TMEM87B: variants seen among roughly 807,000 people sequenced by gnomAD.
TMEM87B encodes the protein transmembrane protein 87B.
Under a neutral mutation model 80.3 loss-of-function variants are expected in TMEM87B, and 83 were observed. That is an observed-to-expected ratio of 1.03 (90% CI 0.87 to 1.24). The LOEUF (loss-of-function observed/expected upper bound fraction) is 1.24. Ranked by LOEUF, TMEM87B falls within the 50% of genes most tolerant of loss-of-function variation. The probability of loss-of-function intolerance (pLI) is 0.00; values close to 1 mark genes in which losing one functional copy is unlikely to be tolerated. For missense variants in TMEM87B, 625 were observed against 674.4 expected (o/e 0.93, Z 0.81); for synonymous variants, 219 against 230.5 (o/e 0.95, Z 0.45).
intron 4 of TMEM87B, among the ~76,000 whole-genome samples, chr2:112,069,140 C>T (rs1331813245): frequency 2.9e-5 from 4 of 139,894 alleles, no homozygotes; most frequent in African/African-American, 1.1e-4. Flanking sequence ...TGCAGTGAGC[C>T]GAGATTGCGC....
intron 1 of TMEM87B, 112 bp downstream of exon 1, chr2:112,055,868 G>A: frequency 7.7e-7 from 1 of 1,307,142 alleles, no homozygotes; most frequent in Non-Finnish European, 1.0e-6. Flanking sequence ...TCAGCACCGG[G>A]TCCCCTGATA....
chr2:112,061,138 G>A (rs1331386638), intron 2 of TMEM87B, among the ~76,000 whole-genome samples: 62 of 152,300 alleles, frequency 4.1e-4, no homozygotes, highest in Non-Finnish European at 1.5e-5. Context: ...ATATTCATTA[G>A]GTAGGGCCTG....
chr2:112,100,470 C>A, intron 14 of TMEM87B, 152 bp from the exon 15 acceptor site: 1 of 517,114 alleles, frequency 1.9e-6, no homozygotes, highest in Non-Finnish European at 3.4e-6. Context: ...ATAATTTTAG[C>A]TAATTTGAAA....
chr2:112,095,608 C>A, intron 11 of TMEM87B: 1 of 439,644 alleles, frequency 2.3e-6, no homozygotes, highest in Non-Finnish European at 3.0e-6. Context: ...TTTTAAAGTT[C>A]TCATAGTAAC....
Position 112,055,755 on chromosome 2 carries a change from A to C in TMEM87B, c.164A>C (p.Asp55Ala). 5.4e-6 allele frequency: 8 copies of C among 1,478,408 alleles called. No homozygotes were observed. Among genetic ancestry groups the C allele is most frequent in the African/African-American group, 1.5e-5 (1 of 67,836 alleles). 91.6% of individuals were successfully genotyped at this position (1,478,408 alleles called of 1,614,324 possible). A position where few individuals can be genotyped will look rare whatever the true frequency, so the allele number is the denominator to read the frequency against. Residue 55 changes from aspartate (D) to alanine (A), a missense_variant and splice_region_variant, in exon 1 of 19, where the codon GAC becomes GCC. Asp to Ala is a moderately radical substitution (Grantham distance 126). Transcript: ENST00000283206. ...ELGLWLETVN[D>A]KSGPLIFRKT... ...GGGCTCTGGTTAGAGACAGTCAACGACGTAAGTGGAGTGTCGGGACCCAGG... is the reference window on the plus strand; with the variant it reads ...GGGCTCTGGTTAGAGACAGTCAACGCCGTAAGTGGAGTGTCGGGACCCAGG...
Position 112,064,245 on chromosome 2 carries a change from A to C in TMEM87B, c.310A>C (p.Asn104His). ...TCATACCTGTCACAATGAGCATTCT[A>C]ATCTGGAAGTAAGTAAAACACAAGT... ...KYHTCHNEHSNLEELFQKHKL... is the reference protein window; with the variant it reads ...KYHTCHNEHSHLEELFQKHKL... The change falls in exon 3 of 19, where the codon AAT becomes CAT. Residue 104 changes from asparagine to histidine, a missense_variant. Coordinates refer to ENST00000283206, the MANE Select transcript of TMEM87B (RefSeq NM_032824.3). The C allele has an allele frequency of 1.2e-6, 2 of 1,613,492 alleles. No homozygotes were observed. The highest frequency in any genetic ancestry group is 1.7e-4 in the Middle Eastern group (1 of 6,028).
intron 14 of TMEM87B, among the ~76,000 whole-genome samples, 192 bp from the exon 15 acceptor site, chr2:112,100,430 T>G (rs1405654632): frequency 6.6e-6 from 1 of 152,224 alleles, no homozygotes; most frequent in Admixed American, 6.5e-5. Flanking sequence ...AAACAGGGTT[T>G]GAGAGCTCCA....
In TMEM87B at chr2:112,081,068, A is replaced by G. The variant is rs148742306; in HGVS notation, c.604A>G (p.Met202Val). The stretch of plus-strand genomic sequence containing the variant: ...CTTCTCTATCCTAGTTTCTCTTTCT[A>G]TGATTGGGCCTCATGGATATATCTC... Reference protein sequence around the residue: ...ASWNLNVSLSMIGPHGYISAS... With the variant: ...ASWNLNVSLSVIGPHGYISAS... The change falls in exon 7 of 19, where the codon ATG becomes GTG. Residue 202 changes from methionine to valine, a missense_variant. Transcript: ENST00000283206. 4.3e-5 allele frequency: 69 copies of G among 1,612,252 alleles called. No individual in the cohort carries two copies. The highest frequency in any genetic ancestry group is 6.7e-5 in the East Asian group (3 of 44,856).
intron 1 of TMEM87B, 109 bp downstream of exon 1, chr2:112,055,865 C>T (rs781557737): frequency 1.7e-5 from 22 of 1,327,172 alleles, no homozygotes; most frequent in Non-Finnish European, 2.1e-5. Flanking sequence ...GGGTCAGCAC[C>T]GGGTCCCCTG....
intron 5 of TMEM87B, 59 bp downstream of exon 5, chr2:112,075,021 A>C: frequency 6.5e-7 from 1 of 1,545,422 alleles, no homozygotes; most frequent in Non-Finnish European, 8.8e-7. Context: ...AGACTGAAAA[A>C]AGTCGCTGAT....
At chr2:112,063,208 G>T (rs1678309450) in intron 2 of TMEM87B, among the ~76,000 whole-genome samples, 1 of 152,174 alleles carries the variant, frequency 6.6e-6, no homozygotes, top group Admixed American at 6.5e-5. Flanking sequence ...GGAAATAATG[G>T]CACATCCCTT....
intron 2 of TMEM87B, among the ~76,000 whole-genome samples, chr2:112,061,162 A>G (rs1258001141): frequency 6.6e-6 from 1 of 152,228 alleles, no homozygotes; most frequent in African/African-American, 2.4e-5. Context: ...TTTCTGTGTC[A>G]ATACTGAGAT....
rs1678029125 is a variant in TMEM87B, at chr2:112,055,738, G to A, written c.147G>A (p.Trp49Ter). The A allele has an allele frequency of 3.3e-6, 5 of 1,499,698 alleles. No individual in the cohort carries two copies. The highest frequency in any genetic ancestry group is 4.4e-6 in the Non-Finnish European group (5 of 1,130,198). 92.9% of individuals were successfully genotyped at this position (1,499,698 alleles called of 1,614,324 possible). A position where few individuals can be genotyped will look rare whatever the true frequency, so the allele number is the denominator to read the frequency against. Residue 49 changes from tryptophan to a stop codon, truncating the protein, a stop_gained, in exon 1 of 19, where the codon TGG becomes TGA. Coordinates refer to ENST00000283206, the MANE Select transcript of TMEM87B (RefSeq NM_032824.3). LOFTEE classifies it high-confidence loss of function. ...GCGCGGTCCCTGAGCTCGGGCTCTG[G>A]TTAGAGACAGTCAACGACGTAAGTG... ...AVRAVPELGL[W>*]LETVNDKSGP... is the part of the protein sequence containing the mutation.
At chr2:112,087,475 T>C (rs1679182409) in intron 9 of TMEM87B, among the ~76,000 whole-genome samples, 1 of 151,962 alleles carries the variant, frequency 6.6e-6, no homozygotes. Context: ...CAGAGGGGAA[T>C]TCCACTGCAT....
At chr2:112,093,486 C>T (rs1360976349) in intron 11 of TMEM87B, among the ~76,000 whole-genome samples, 2 of 152,126 alleles carry the variant, frequency 1.3e-5, no homozygotes, top group Non-Finnish European at 2.9e-5. Context: ...CTGTGGACAT[C>T]TTAGGAGTCT....
Position 112,055,306 on chromosome 2 carries a change from A to G in TMEM87B, c.-286A>G, listed in dbSNP as rs1678003394. 1 of 464,306 alleles carries G rather than the reference A, an allele frequency of 2.2e-6. No individual in the cohort carries two copies. Among genetic ancestry groups the G allele is most frequent in the Middle Eastern group, 5.6e-4 (1 of 1,778 alleles). 28.8% of individuals were successfully genotyped at this position (464,306 alleles called of 1,614,324 possible). On this transcript the variant is annotated 5_prime_UTR_variant, in exon 1 of 19. Transcript: ENST00000283206. ...ACGCTAGGCCCTGAGCCCAGCCTCC[A>G]CGTCTCGCCGCCAACTCCACATCCT... is the stretch of plus-strand genomic sequence containing the variant.
intron 6 of TMEM87B, among the ~76,000 whole-genome samples, chr2:112,079,137 ACT>A (rs1678912641): frequency 6.6e-6 from 1 of 152,182 alleles, no homozygotes; most frequent in African/African-American, 2.4e-5. Context: ...TTTGAAATGT[ACT>A]CTCTCAGCAA....
At chr2:112,108,703 G>T (rs2083861816) in intron 17 of TMEM87B, among the ~76,000 whole-genome samples, 1 of 151,956 alleles carries the variant, frequency 6.6e-6, no homozygotes, top group Admixed American at 6.6e-5. Flanking sequence ...GTTTTTTTGG[G>T]TGAGAAGGGC....
At chr2:112,069,162 G>T (rs556972544) in intron 4 of TMEM87B, among the ~76,000 whole-genome samples, 1 of 137,962 alleles carries the variant, frequency 7.2e-6, no homozygotes, top group Admixed American at 7.9e-5. Context: ...ACTGCAGTCC[G>T]CAGTCTGGCC....
Sources: gnomAD v4.1 joint callset for allele counts (sites outside exome capture counted in the v4.1 genomes callset) on GRCh38, gnomAD v4.1.1 for gene constraint, MANE v1.5 for transcripts, NCBI Gene and HGNC (gene_info 2026-07-23, HGNC 2026-07-21) for gene names.